DMD: variants seen among roughly 807,000 people sequenced by gnomAD.
DMD encodes dystrophin.
Under a neutral mutation model 330.1 loss-of-function variants are expected in DMD, and 63 were observed. The ratio of observed to expected loss-of-function variants is 0.19; its 90% CI spans 0.16 to 0.24. The LOEUF (loss-of-function observed/expected upper bound fraction) is 0.24. DMD is among the 10% of genes least tolerant of loss of function. DMD has a pLI of 1.00. For missense variants in DMD, 3,344 were observed against 2,684.1 expected (o/e 1.25, Z -5.43); for synonymous variants, 1,223 against 959.8 (o/e 1.27, Z -5.07).
At chrX:32,750,008 C>T (rs1445492113) in intron 7 of DMD, among the ~76,000 whole-genome samples, 1 of 112,044 alleles carries the variant, frequency 8.9e-6, no homozygotes, top group East Asian at 2.8e-4. Flanking sequence ...TGAGCCATTT[C>T]CATTGGATGA....
chrX:31,980,678 C>T (rs1027370269), intron 44 of DMD, among the ~76,000 whole-genome samples: 22 of 111,656 alleles, frequency 2.0e-4, no homozygotes, highest in African/African-American at 4.9e-4. Flanking sequence ...GTATAAGTTA[C>T]TGTCACACCC....
chrX:32,464,013 T>TA lies in DMD; in HGVS notation c.3277-420dup, dbSNP rs770308802. Among the ~76,000 whole-genome samples the TA allele has an allele frequency of 7.4e-3, 823 of 111,673 alleles. 10 individuals carry two copies. The highest frequency in any genetic ancestry group is 0.025 in the African/African-American group (783 of 30,717). On this transcript the variant is annotated intron_variant, in intron 24 of 78. Coordinates refer to ENST00000357033, the MANE Select transcript of DMD (RefSeq NM_004006.3). ...GGATTTGCTTTTTTAGCTTGTATTG[T>TA]AAAAAAATTTCCTTAAAGAGCAAGA...
chrX:31,685,816 G>T (rs1391661686), intron 52 of DMD, among the ~76,000 whole-genome samples: 1 of 112,432 alleles, frequency 8.9e-6, no homozygotes, highest in African/African-American at 3.2e-5. Flanking sequence ...GGAATAGTTA[G>T]CCCTGGTTCC....
chrX:31,968,481 C>G lies in DMD; in HGVS notation c.6472G>C (p.Val2158Leu). 8.3e-7 allele frequency: 1 copy of G among 1,210,637 alleles called. No individual in the cohort carries two copies. The highest frequency in any genetic ancestry group is 1.1e-6 in the Non-Finnish European group (1 of 894,808). ...LQDGIGQRQT[V>L]VRTLNATGEE... is the part of the protein sequence containing the mutation. Reference sequence around the variant, plus strand: ...CCAGTTGCATTCAATGTTCTGACAACAGTTTGCCGCTGCCCAATGCCATCC... The same window carrying G: ...CCAGTTGCATTCAATGTTCTGACAAGAGTTTGCCGCTGCCCAATGCCATCC... Residue 2158 changes from valine to leucine, a missense_variant, in exon 45 of 79, where the codon GTT (valine) becomes CTT (leucine). Transcript: ENST00000357033.
chrX:31,510,928 C>T (rs1044233561), intron 55 of DMD, among the ~76,000 whole-genome samples: 3 of 111,789 alleles, frequency 2.7e-5, no homozygotes, highest in African/African-American at 9.8e-5. Flanking sequence ...AACAGAAATT[C>T]TGCCATCAGT....
At chrX:33,220,692 G>A (rs185427640) in intron 1 of DMD, among the ~76,000 whole-genome samples, 2 of 111,374 alleles carry the variant, frequency 1.8e-5, no homozygotes, top group Admixed American at 1.9e-4. Flanking sequence ...GTCTCCACTT[G>A]CAATTTCTTT....
intron 44 of DMD, among the ~76,000 whole-genome samples, chrX:32,015,685 T>C (rs768129968): frequency 8.9e-5 from 10 of 111,902 alleles, no homozygotes; most frequent in Non-Finnish European, 1.9e-4. Flanking sequence ...CATAGCAGCT[T>C]CCACGGATTG....
chrX:32,301,222 T>TAAAAAAA (rs56329666), intron 42 of DMD, among the ~76,000 whole-genome samples: 5 of 74,679 alleles, frequency 6.7e-5, no homozygotes, highest in East Asian at 4.2e-4. Flanking sequence ...TGCATACATC[T>TAAAAAAA]AAAAAAAAAA....
chrX:32,499,236 A>G (rs1194494024), intron 19 of DMD, among the ~76,000 whole-genome samples: 8 of 112,163 alleles, frequency 7.1e-5, no homozygotes, highest in African/African-American at 2.6e-4. Context: ...TCAGTTTGCT[A>G]TGCATATACC....
intron 4 of DMD, among the ~76,000 whole-genome samples, chrX:32,839,215 T>C (rs983393420): frequency 9.0e-6 from 1 of 110,705 alleles, no homozygotes; most frequent in East Asian, 2.9e-4. Context: ...AAACTCACTC[T>C]ACTCCACTTG....
At chrX:33,177,681 C>T (rs1389047361) in intron 1 of DMD, among the ~76,000 whole-genome samples, 1 of 111,768 alleles carries the variant, frequency 8.9e-6, no homozygotes, top group Non-Finnish European at 1.9e-5. Flanking sequence ...CCACCGCGCC[C>T]GACCTTATTT....
intron 25 of DMD, among the ~76,000 whole-genome samples, chrX:32,460,030 A>G (rs1273947080): frequency 9.0e-6 from 1 of 111,087 alleles, no homozygotes; most frequent in East Asian, 2.8e-4. Flanking sequence ...ACATCATATC[A>G]TATGTGGATG....
chrX:32,373,659 C>T (rs983791293), intron 34 of DMD, among the ~76,000 whole-genome samples: 1 of 111,775 alleles, frequency 8.9e-6, no homozygotes, highest in Non-Finnish European at 1.9e-5. Flanking sequence ...ATGGGCTGTA[C>T]AAAAGAAGGT....
chrX:32,169,475 T>TA (rs2096879676), intron 44 of DMD, among the ~76,000 whole-genome samples: 1 of 111,289 alleles, frequency 9.0e-6, no homozygotes, highest in Admixed American at 9.6e-5. Context: ...AAAAGGGGGG[T>TA]ATTTTATTTA....
At chrX:31,396,637 C>G (rs183847703) in intron 60 of DMD, among the ~76,000 whole-genome samples, 1 of 89,970 alleles carries the variant, frequency 1.1e-5, no homozygotes, top group Non-Finnish European at 2.1e-5. Flanking sequence ...CTTTTGCTTT[C>G]AATCCTGGAC....
chrX:32,553,955 C>A (rs5971639), intron 16 of DMD, among the ~76,000 whole-genome samples: 42,464 of 110,905 alleles, frequency 0.38, 5,943 homozygotes, highest in African/African-American at 0.45. Flanking sequence ...CCATCCTCCT[C>A]ACTGGGTGGG....
chrX:32,335,548 C>T (rs965539951), intron 41 of DMD, among the ~76,000 whole-genome samples: 1 of 79,506 alleles, frequency 1.3e-5, no homozygotes, highest in Middle Eastern at 7.2e-3. Context: ...TTATATATAA[C>T]GTGTATATGT....
At chrX:31,784,274 T>A (rs1047097246) in intron 50 of DMD, among the ~76,000 whole-genome samples, 1 of 111,290 alleles carries the variant, frequency 9.0e-6, no homozygotes, top group African/African-American at 3.3e-5. Flanking sequence ...GAAATGCAAA[T>A]GAAGAACGAA....
chrX:32,421,113 G>A (rs927762907), intron 29 of DMD, among the ~76,000 whole-genome samples: 4 of 112,014 alleles, frequency 3.6e-5, no homozygotes, highest in African/African-American at 9.7e-5. Flanking sequence ...ATTACATGAA[G>A]ATTAACAATA....
Sources: gnomAD v4.1 joint callset for allele counts (sites outside exome capture counted in the v4.1 genomes callset) on GRCh38, gnomAD v4.1.1 for gene constraint, MANE v1.5 for transcripts, NCBI Gene and HGNC (gene_info 2026-07-23, HGNC 2026-07-21) for gene names.